MYO1D: variants seen among roughly 807,000 people sequenced by gnomAD.
MYO1D encodes the protein myosin ID.
A neutral mutation model predicts 122.0 loss-of-function variants in MYO1D; 83 were observed. That is an observed-to-expected ratio of 0.68 (90% confidence interval 0.57 to 0.82). The LOEUF (loss-of-function observed/expected upper bound fraction) is 0.82, where lower values mean the gene tolerates loss of function less well. Ranked by LOEUF, MYO1D falls within the 40% of genes least tolerant of loss-of-function variation. The pLI, the probability that MYO1D is intolerant of heterozygous loss-of-function variation, is 0.00. For missense variants in MYO1D, 1,157 were observed against 1,269.5 expected, an observed-to-expected ratio of 0.91 and a Z score of 1.35; for synonymous variants, 464 against 446.9, an observed-to-expected ratio of 1.04 and a Z score of -0.48.
chr17:32,519,851 C>G (rs970848261), intron 21 of MYO1D, among the ~76,000 whole-genome samples: 1 of 148,910 alleles, frequency 6.7e-6, no homozygotes, highest in African/African-American at 2.5e-5. Context: ...GAATATAAGA[C>G]AAAAACATTG....
rs534158924 is a variant in MYO1D at position 32,597,930 on chromosome 17, C to T, written c.2864+7157G>A. Among the ~76,000 whole-genome samples the T allele has an allele frequency of 2.7e-5, 4 of 149,780 alleles. No homozygotes were observed. The East Asian group carries it at 5.9e-4, about 22-fold the overall frequency. ...CAACTTCTTTACACAAATGGTGGTA[C>T]GGTACACACACCATTCTGTACCTTG... On this transcript the variant is annotated intron_variant, in intron 21 of 21. Coordinates refer to ENST00000318217, the MANE Select transcript of MYO1D (RefSeq NM_015194.3).
chr17:32,633,945 T>C (rs2088060506), intron 20 of MYO1D, among the ~76,000 whole-genome samples: 1 of 152,214 alleles, frequency 6.6e-6, no homozygotes, highest in South Asian at 2.1e-4. Flanking sequence ...TGTGCGTATG[T>C]ATATACATAC....
chr17:32,796,950 A>G (rs961047124), intron 1 of MYO1D, among the ~76,000 whole-genome samples: 1 of 152,094 alleles, frequency 6.6e-6, no homozygotes, highest in Non-Finnish European at 1.5e-5. Flanking sequence ...AAATGACATA[A>G]AACTTAGTAC....
intron 15 of MYO1D, among the ~76,000 whole-genome samples, chr17:32,718,237 C>T (rs182217674): frequency 2.6e-5 from 4 of 152,306 alleles, no homozygotes; most frequent in African/African-American, 9.6e-5. Context: ...ATGAAACCGA[C>T]ACCCTGATCA....
chr17:32,717,249 A>T lies in MYO1D; in HGVS notation c.1913+3774T>A, dbSNP rs546702269. Among the ~76,000 whole-genome samples the T allele has an allele frequency of 6.8e-4, 104 of 152,328 alleles. 1 individual carries two copies. In the South Asian group the frequency reaches 9.9e-3, roughly 15 times the overall value. On this transcript the variant is annotated intron_variant, in intron 15 of 21. Transcript: ENST00000318217. ...AACTATTATTATAACTCACTTGAAA[A>T]TTTCAACACATAATTCTTTTCCTGT...
intron 16 of MYO1D, among the ~76,000 whole-genome samples, chr17:32,709,103 A>C (rs891143425): frequency 6.6e-6 from 1 of 152,230 alleles, no homozygotes; most frequent in Non-Finnish European, 1.5e-5. Context: ...AAGTAAACAA[A>C]CTATCGCTGT....
chr17:32,608,034 T>A (rs1567907667), intron 20 of MYO1D, among the ~76,000 whole-genome samples: 1 of 152,138 alleles, frequency 6.6e-6, no homozygotes, highest in Non-Finnish European at 1.5e-5. Context: ...TAGAAAACTT[T>A]TAGGAGAAAA....
intron 3 of MYO1D, among the ~76,000 whole-genome samples, chr17:32,777,041 TGATAA>T (rs1400595214): frequency 2.0e-5 from 3 of 152,160 alleles, no homozygotes; most frequent in Non-Finnish European, 4.4e-5. Flanking sequence ...AAACTGCTTG[TGATAA>T]GATATGTTTG....
intron 21 of MYO1D, among the ~76,000 whole-genome samples, chr17:32,571,323 C>T (rs887213017): frequency 6.6e-6 from 1 of 152,118 alleles, no homozygotes; most frequent in Non-Finnish European, 1.5e-5. Context: ...GTTTTTAACC[C>T]TGGCAACCCC....
chr17:32,631,531 T>C (rs575394738), intron 20 of MYO1D, among the ~76,000 whole-genome samples: 20 of 152,014 alleles, frequency 1.3e-4, no homozygotes, highest in African/African-American at 4.8e-4. Flanking sequence ...TCTGCAGTCC[T>C]AGCTACTTGG....
intron 1 of MYO1D, among the ~76,000 whole-genome samples, chr17:32,835,610 C>T (rs2090814704): frequency 6.6e-6 from 1 of 152,174 alleles, no homozygotes; most frequent in East Asian, 1.9e-4. Context: ...TCACAGAGAA[C>T]ATAACCTACT....
chr17:32,579,661 C>A (rs1019701034), intron 21 of MYO1D, among the ~76,000 whole-genome samples: 1 of 152,124 alleles, frequency 6.6e-6, no homozygotes, highest in South Asian at 2.1e-4. Context: ...TACTTCCTTC[C>A]CCTCCCTATC....
intron 20 of MYO1D, among the ~76,000 whole-genome samples, chr17:32,607,116 C>T (rs954609498): frequency 5.9e-5 from 9 of 152,086 alleles, no homozygotes; most frequent in South Asian, 2.1e-4. Flanking sequence ...GTTGAGATCG[C>T]GTCACTGCAC....
At chr17:32,502,419 G>C (rs1196204357) in intron 21 of MYO1D, among the ~76,000 whole-genome samples, 2 of 152,178 alleles carry the variant, frequency 1.3e-5, no homozygotes, top group African/African-American at 4.8e-5. Context: ...TGGGGGCGTG[G>C]AGGGACTGCT....
At chr17:32,784,061 T>C (rs963030340) in intron 1 of MYO1D, among the ~76,000 whole-genome samples, 2 of 152,206 alleles carry the variant, frequency 1.3e-5, no homozygotes, top group African/African-American at 2.4e-5. Flanking sequence ...AATAAAAGCA[T>C]GTACTGTAGT....
At chr17:32,678,863 A>G (rs963056163) in intron 16 of MYO1D, among the ~76,000 whole-genome samples, 2 of 151,094 alleles carry the variant, frequency 1.3e-5, no homozygotes, top group African/African-American at 4.9e-5. Flanking sequence ...GAACTACTTT[A>G]CAGTCCCACC....
intron 16 of MYO1D, among the ~76,000 whole-genome samples, chr17:32,679,531 G>T (rs1439553308): frequency 1.3e-5 from 2 of 151,942 alleles, no homozygotes; most frequent in African/African-American, 4.8e-5. Flanking sequence ...TTTCCCCATT[G>T]CTTGTTTTTC....
At chr17:32,872,852 G>A (rs1182012297) in intron 1 of MYO1D, among the ~76,000 whole-genome samples, 2 of 151,342 alleles carry the variant, frequency 1.3e-5, no homozygotes, top group Non-Finnish European at 2.9e-5. Flanking sequence ...GCCCGCCACC[G>A]CGCCCGGCTA....
At chr17:32,777,225 G>A (rs921895944) in intron 3 of MYO1D, among the ~76,000 whole-genome samples, 1 of 152,134 alleles carries the variant, frequency 6.6e-6, no homozygotes, top group Admixed American at 6.5e-5. Context: ...GGAGGGATAT[G>A]TTACAATTAA....
Sources: gnomAD v4.1 joint callset for allele counts (sites outside exome capture counted in the v4.1 genomes callset) on GRCh38, gnomAD v4.1.1 for gene constraint, MANE v1.5 for transcripts, NCBI Gene and HGNC (gene_info 2026-07-23, HGNC 2026-07-21) for gene names.